EFHC2: variants seen among roughly 807,000 people sequenced by gnomAD.
EFHC2 encodes EF-hand domain containing 2, also known as EF-hand domain-containing family member C2.
EFHC2 carries 18 observed loss-of-function variants against 52.7 expected under a neutral mutation model. That is an observed-to-expected ratio of 0.34 (90% CI 0.24 to 0.51). The LOEUF is 0.51. Among genes scored for constraint, EFHC2 ranks in the 20% least tolerant of loss-of-function variants. EFHC2 has a pLI of 0.97. For synonymous variants in EFHC2, 203 were observed against 204.1 expected, an observed-to-expected ratio of 0.99 and a Z score of 0.04; for missense variants, 513 against 562.5, an observed-to-expected ratio of 0.91 and a Z score of 0.89.
intron 7 of EFHC2, 87 bp from the exon 8 acceptor site, chrX:44,242,376 T>A: frequency 1.0e-6 from 1 of 995,897 alleles, no homozygotes; most frequent in South Asian, 2.3e-5. Flanking sequence ...GTTTTCAAGA[T>A]GAACATGGAG....
intron 4 of EFHC2, 62 bp from the exon 5 acceptor site, chrX:44,250,507 C>T (rs2037434386): frequency 3.7e-6 from 4 of 1,093,711 alleles, no homozygotes; most frequent in Non-Finnish European, 1.2e-6. Flanking sequence ...CTAAGATATA[C>T]ACAATCAAGT....
intron 2 of EFHC2, chrX:44,310,197 T>C: frequency 1.4e-6 from 1 of 736,765 alleles, no homozygotes; most frequent in Non-Finnish European, 2.2e-6. Context: ...CGCCTTCTCA[T>C]ACATCTGCCA....
At chrX:44,160,391 A>G (rs2036642583) in intron 14 of EFHC2, among the ~76,000 whole-genome samples, 1 of 111,548 alleles carries the variant, frequency 9.0e-6, no homozygotes, top group Non-Finnish European at 1.9e-5. Flanking sequence ...AAGAAAATGT[A>G]TCATACTGCA....
intron 2 of EFHC2, among the ~76,000 whole-genome samples, chrX:44,274,725 C>G (rs963914951): frequency 9.2e-6 from 1 of 108,756 alleles, no homozygotes; most frequent in Non-Finnish European, 1.9e-5. Flanking sequence ...CCCGTTTTTA[C>G]AAAAAAAAAT....
At chrX:44,174,410 C>A (rs553793809) in intron 13 of EFHC2, among the ~76,000 whole-genome samples, 1 of 110,307 alleles carries the variant, frequency 9.1e-6, no homozygotes, top group African/African-American at 3.3e-5. Flanking sequence ...CTGAATGAAT[C>A]GAAGTTCAAG....
chrX:44,194,095 T>C (rs1443572370), intron 11 of EFHC2, among the ~76,000 whole-genome samples: 1 of 111,823 alleles, frequency 8.9e-6, no homozygotes, highest in Non-Finnish European at 1.9e-5. Context: ...TTGTGCTCAA[T>C]TGACAAATAG....
At chrX:44,231,603 C>G (rs1272277685) in intron 10 of EFHC2, among the ~76,000 whole-genome samples, 1 of 109,935 alleles carries the variant, frequency 9.1e-6, no homozygotes, top group East Asian at 2.9e-4. Context: ...TCTGTCTTGG[C>G]GTCTGCTTCT....
At chrX:44,242,499 C>T (rs761957880) in intron 7 of EFHC2, among the ~76,000 whole-genome samples, 4 of 102,171 alleles carry the variant, frequency 3.9e-5, no homozygotes, top group South Asian at 4.5e-4. Context: ...ACCATTGGTT[C>T]AAAAGTTAAA....
At chrX:44,313,539 T>C (rs749116606) in intron 1 of EFHC2, among the ~76,000 whole-genome samples, 4 of 112,502 alleles carry the variant, frequency 3.6e-5, no homozygotes, top group Admixed American at 9.5e-5. Context: ...ACTATTGTTA[T>C]AGCATTGTTT....
intron 2 of EFHC2, chrX:44,310,305 G>T (rs891676821): frequency 3.0e-5 from 26 of 880,353 alleles, no homozygotes; most frequent in Non-Finnish European, 3.7e-5. Context: ...TTTAGTTTTC[G>T]GCTCGCGGGC....
At chrX:44,306,611 G>A (rs946939887) in intron 2 of EFHC2, among the ~76,000 whole-genome samples, 3 of 112,101 alleles carry the variant, frequency 2.7e-5, no homozygotes, top group Non-Finnish European at 5.6e-5. Flanking sequence ...AGTGTCTGCC[G>A]CAGGGGCCAT....
At chrX:44,205,682 A>G (rs971604743) in intron 11 of EFHC2, among the ~76,000 whole-genome samples, 3 of 111,790 alleles carry the variant, frequency 2.7e-5, no homozygotes, top group South Asian at 7.4e-4. Flanking sequence ...AGATTTAACT[A>G]TCCTAAATAT....
chrX:44,246,594 G>C (rs967256780), intron 7 of EFHC2, among the ~76,000 whole-genome samples: 2 of 111,536 alleles, frequency 1.8e-5, no homozygotes, highest in African/African-American at 6.5e-5. Context: ...GGACTCGACT[G>C]AAATGGACCA....
At chrX:44,266,863 C>T (rs757771277) in intron 3 of EFHC2, among the ~76,000 whole-genome samples, 15 of 110,902 alleles carry the variant, frequency 1.4e-4, no homozygotes, top group Non-Finnish European at 2.6e-4. Flanking sequence ...ATTACATTTG[C>T]CTGATCAAGC....
chrX:44,260,807 C>G (rs2037532185), intron 4 of EFHC2, among the ~76,000 whole-genome samples: 1 of 112,255 alleles, frequency 8.9e-6, no homozygotes, highest in Admixed American at 9.4e-5. Flanking sequence ...TGCCTAGAAT[C>G]TGTCTCACCT....
At chrX:44,242,679 A>G (rs1333480779) in intron 7 of EFHC2, among the ~76,000 whole-genome samples, 12 of 110,891 alleles carry the variant, frequency 1.1e-4, no homozygotes, top group Non-Finnish European at 1.9e-5. Flanking sequence ...GCCCTCTCCT[A>G]TCTCAGTCAA....
intron 1 of EFHC2, among the ~76,000 whole-genome samples, chrX:44,339,779 A>G (rs1363243120): frequency 9.0e-6 from 1 of 111,311 alleles, no homozygotes; most frequent in Admixed American, 9.6e-5. Flanking sequence ...GGGCAAGACT[A>G]AAAGGCCAGA....
At chrX:44,188,274 C>T (rs895943663) in intron 11 of EFHC2, among the ~76,000 whole-genome samples, 6 of 111,161 alleles carry the variant, frequency 5.4e-5, no homozygotes, top group African/African-American at 1.6e-4. Context: ...TGAACCACCA[C>T]GCCTGGCCAT....
Position 44,165,528 on chromosome X carries a change from T to C in EFHC2, c.2043-1501A>G, listed in dbSNP as rs760488118. ...CCATTATTTCTTTTATTTGTGTATG[T>C]TTTGGGGGAAGAATGAAAACTCAAT... On this transcript the variant is annotated intron_variant, in intron 13 of 14. Coordinates refer to ENST00000420999, the MANE Select transcript of EFHC2 (RefSeq NM_025184.4). 8.0e-5 allele frequency among the ~76,000 whole-genome samples: 9 copies of C among 112,055 alleles called. No homozygotes were observed. In the South Asian group the frequency reaches 3.0e-3, roughly 37 times the overall value.
Sources: gnomAD v4.1 joint callset for allele counts (sites outside exome capture counted in the v4.1 genomes callset) on GRCh38, gnomAD v4.1.1 for gene constraint, MANE v1.5 for transcripts, NCBI Gene and HGNC (gene_info 2026-07-23, HGNC 2026-07-21) for gene names.